SLC44A5: variants seen among roughly 807,000 people sequenced by gnomAD.
SLC44A5 encodes choline transporter-like protein 5.
In SLC44A5, 57 loss-of-function variants were observed where a neutral mutation model predicts 101.8. The observed-to-expected ratio is 0.56, with a 90% CI of 0.45 to 0.70. The LOEUF is 0.70. SLC44A5 is among the 30% of genes least tolerant of loss of function. SLC44A5 has a pLI of 0.00. For synonymous variants in SLC44A5, 281 were observed against 290.9 expected (o/e 0.97, Z 0.35); for missense variants, 737 against 853.1 (o/e 0.86, Z 1.70).
At chr1:75,571,480 G>A (rs1373412127) in intron 1 of SLC44A5, among the ~76,000 whole-genome samples, 1 of 152,086 alleles carries the variant, frequency 6.6e-6, no homozygotes, top group Non-Finnish European at 1.5e-5. Flanking sequence ...TGCTGTGAAA[G>A]TGATATACAT....
chr1:75,309,041 G>A (rs1008935423), intron 4 of SLC44A5, among the ~76,000 whole-genome samples: 7 of 151,808 alleles, frequency 4.6e-5, no homozygotes, highest in Admixed American at 1.3e-4. Flanking sequence ...TTATACCATG[G>A]GCATAATTAT....
intron 3 of SLC44A5, among the ~76,000 whole-genome samples, chr1:75,363,989 C>A (rs1366273466): frequency 6.6e-6 from 1 of 152,114 alleles, no homozygotes; most frequent in African/African-American, 2.4e-5. Flanking sequence ...AATATTCATC[C>A]TACTTCTCCT....
intron 4 of SLC44A5, among the ~76,000 whole-genome samples, chr1:75,323,398 A>G (rs868296639): frequency 1.6e-4 from 25 of 152,130 alleles, no homozygotes; most frequent in African/African-American, 6.0e-4. Context: ...GCCGCAATAA[A>G]CATACGTGTG....
At chr1:75,387,046 T>C (rs1264597760) in intron 3 of SLC44A5, among the ~76,000 whole-genome samples, 2 of 152,132 alleles carry the variant, frequency 1.3e-5, no homozygotes, top group Middle Eastern at 3.4e-3. Flanking sequence ...TTACACCTTA[T>C]ACAAAAATCA....
chr1:75,587,169 G>A (rs549825440), intron 1 of SLC44A5, among the ~76,000 whole-genome samples: 4 of 152,024 alleles, frequency 2.6e-5, no homozygotes, highest in East Asian at 1.9e-4. Flanking sequence ...CAAAATGTTC[G>A]GCCTAAAATG....
At chr1:75,207,446 G>A (rs1646770411) in intron 23 of SLC44A5, among the ~76,000 whole-genome samples, 1 of 152,148 alleles carries the variant, frequency 6.6e-6, no homozygotes, top group African/African-American at 2.4e-5. Flanking sequence ...CCCACCTGCT[G>A]GCTAGTTGGG....
chr1:75,710,175 A>T, the SLC44A5 span: 1 of 152,210 alleles, frequency 6.6e-6, no homozygotes, highest in African/African-American at 2.4e-5. Context: ...ATGGTTTCAC[A>T]GGTGTATACA....
intron 10 of SLC44A5, among the ~76,000 whole-genome samples, chr1:75,238,297 T>C (rs1317325380): frequency 1.3e-5 from 2 of 149,984 alleles, no homozygotes; most frequent in African/African-American, 4.9e-5. Flanking sequence ...GCATCATTAT[T>C]CTTTCTAAAT....
chr1:75,212,942 C>T (rs1281414828), intron 22 of SLC44A5, among the ~76,000 whole-genome samples: 10 of 152,178 alleles, frequency 6.6e-5, no homozygotes, highest in Non-Finnish European at 1.5e-4. Context: ...GCTTCCCTTA[C>T]TAACAATTGC....
chr1:75,563,481 TC>T lies in SLC44A5; in HGVS notation c.-69-21966del, dbSNP rs78890499. On this transcript the variant is annotated intron_variant, in intron 1 of 23. Coordinates refer to ENST00000370859, the MANE Select transcript of SLC44A5 (RefSeq NM_001130058.2). ...TTGGCTGAAATTTTCTACTGTATCA[TC>T]CCAGTTGAGATATTATATTTAATGC... Among the ~76,000 whole-genome samples, 1,288 of 152,100 alleles carry T rather than the reference TC, an allele frequency of 8.5e-3. 119 individuals carry two copies. The East Asian group carries it at 0.21, about 25-fold the overall frequency.
At chr1:75,711,734 A>G in the SLC44A5 span, among the ~76,000 whole-genome samples, 1 of 152,198 alleles carries the variant, frequency 6.6e-6, no homozygotes, top group South Asian at 2.1e-4. Context: ...GATGTGTTCT[A>G]TCTTGTTTGT....
At chr1:75,327,074 T>C (rs1656657937) in intron 4 of SLC44A5, among the ~76,000 whole-genome samples, 1 of 136,354 alleles carries the variant, frequency 7.3e-6, no homozygotes, top group Non-Finnish European at 1.6e-5. Flanking sequence ...TCACCATTGT[T>C]TCTAAGCTTT....
At chr1:75,562,318 A>C (rs537734549) in intron 1 of SLC44A5, among the ~76,000 whole-genome samples, 1 of 152,256 alleles carries the variant, frequency 6.6e-6, no homozygotes, top group South Asian at 2.1e-4. Flanking sequence ...TGTTTTTAGA[A>C]ATAAACCCAA....
At chr1:75,618,798 TG>T in the SLC44A5 span, among the ~76,000 whole-genome samples, 7 of 152,074 alleles carry the variant, frequency 4.6e-5, no homozygotes, top group Non-Finnish European at 1.0e-4. Context: ...AGGCTGGGCA[TG>T]GTGGCTCAGC....
chr1:75,610,030 C>T lies in SLC44A5; in HGVS notation c.-70+1010G>A, dbSNP rs77924699. ...GCTTGACTTGGTTGCAGGGTCTGTT[C>T]CCAAGATAGATCACTCACATAACTA... On this transcript the variant is annotated intron_variant, in intron 1 of 23. Transcript: ENST00000370859. 2.4e-3 allele frequency among the ~76,000 whole-genome samples: 369 copies of T among 151,834 alleles called. 1 individual carries two copies. The highest frequency in any genetic ancestry group is 8.6e-3 in the African/African-American group (358 of 41,402).
At chr1:75,620,192 A>G in the SLC44A5 span, among the ~76,000 whole-genome samples, 1 of 152,114 alleles carries the variant, frequency 6.6e-6, no homozygotes, top group Non-Finnish European at 1.5e-5. Context: ...ACAGTATTCC[A>G]TGGTGTATAT....
At chr1:75,651,372 A>C in the SLC44A5 span, among the ~76,000 whole-genome samples, 2 of 152,184 alleles carry the variant, frequency 1.3e-5, no homozygotes, top group Non-Finnish European at 2.9e-5. Flanking sequence ...AAGTCTCTAC[A>C]GACATTGTTC....
chr1:75,488,310 C>T lies in SLC44A5; in HGVS notation c.13+53125G>A, dbSNP rs546031082. Among the ~76,000 whole-genome samples, 11 of 152,260 alleles carry T rather than the reference C, an allele frequency of 7.2e-5. No homozygotes were observed. In the South Asian group the frequency reaches 2.3e-3, roughly 32 times the overall value. The stretch of plus-strand genomic sequence containing the variant: ...CCCTGGTACCAAAAAGGTTGGGGAC[C>T]ACTGGTATAGCCCATTGCTTCTAGG... On this transcript the variant is annotated intron_variant, in intron 2 of 23. Transcript: ENST00000370859.
chr1:75,215,868 G>C lies in SLC44A5; in HGVS notation c.1625-11C>G, dbSNP rs779897767. ...ATGTGTTCTGGGTACCTATGAGAAG[G>C]AGATATTTAAATCTATTAATGATTT... On this transcript the variant is annotated splice_polypyrimidine_tract_variant and intron_variant, in intron 18 of 23. Transcript: ENST00000370859. The C allele has an allele frequency of 1.4e-6, 2 of 1,404,628 alleles. No individual in the cohort carries two copies. Among genetic ancestry groups the C allele is most frequent in the Non-Finnish European group, 2.0e-6 (2 of 994,712 alleles). The allele number at this position is 1,404,628 out of a possible 1,614,324, so 87.0% of individuals were successfully genotyped here.
Sources: allele counts gnomAD v4.1 joint callset (sites outside exome capture counted in the v4.1 genomes callset), GRCh38; gene constraint gnomAD v4.1.1; transcripts MANE v1.5; gene names NCBI Gene and HGNC (gene_info 2026-07-23, HGNC 2026-07-21).